The following DET1 variants were observed in gnomAD, a reference collection of about 807,000 sequenced individuals.
The protein encoded by DET1 is DET1 partner of COP1 E3 ubiquitin ligase.
DET1 carries 22 observed loss-of-function variants against 43.7 expected under a neutral mutation model. That is an observed-to-expected ratio of 0.50 (90% CI 0.36 to 0.72). The LOEUF is 0.72. Among genes scored for constraint, DET1 ranks in the 30% least tolerant of loss-of-function variants. The pLI, the probability that DET1 is intolerant of heterozygous loss-of-function variation, is 0.00. For missense variants in DET1, 713 were observed against 713.3 expected (o/e 1.00, Z 0.00); for synonymous variants, 315 against 266.2 (o/e 1.18, Z -1.79).
chr15:88,506,259 T>C (rs2278596), intron 7 of DET1, among the ~76,000 whole-genome samples: 105,722 of 152,110 alleles, frequency 0.7, 37,009 homozygotes, highest in South Asian at 0.84. Flanking sequence ...CTTATCATCA[T>C]GCCCAGGGGT....
intron 1 of DET1, among the ~76,000 whole-genome samples, chr15:88,539,075 C>T (rs1204507250): frequency 6.8e-6 from 1 of 146,564 alleles, no homozygotes; most frequent in Non-Finnish European, 1.5e-5. Flanking sequence ...GGGAGCTGAG[C>T]CTTGGTTTCT....
intron 3 of DET1, among the ~76,000 whole-genome samples, chr15:88,524,165 G>A (rs548996298): frequency 1.5e-4 from 23 of 151,716 alleles, no homozygotes; most frequent in Admixed American, 9.2e-4. Flanking sequence ...CTGTCCGGCC[G>A]CGACCCCGTC....
downstream of DET1, among the ~76,000 whole-genome samples, chr15:88,508,371 T>C (rs557998774): frequency 4.5e-4 from 69 of 152,310 alleles, no homozygotes; most frequent in African/African-American, 1.4e-3. Context: ...TGAAATTCAC[T>C]CTACATCTGG....
At chr15:88,514,157 T>C (rs1038084408) in intron 4 of DET1, among the ~76,000 whole-genome samples, 3 of 152,168 alleles carry the variant, frequency 2.0e-5, no homozygotes, top group African/African-American at 4.8e-5. Flanking sequence ...CTAAGTAGTG[T>C]TTAATTTTTC....
chr15:88,506,929 G>A (rs2056148118), intron 7 of DET1, among the ~76,000 whole-genome samples: 1 of 152,142 alleles, frequency 6.6e-6, no homozygotes, highest in Non-Finnish European at 1.5e-5. Flanking sequence ...TATAATTTTG[G>A]TTCCAAAGAA....
At chr15:88,520,261 C>T (rs1474012965) in intron 3 of DET1, among the ~76,000 whole-genome samples, 1 of 152,278 alleles carries the variant, frequency 6.6e-6, no homozygotes, top group South Asian at 2.1e-4. Flanking sequence ...TAATGCACCA[C>T]TTTTCAGCTC....
At chr15:88,506,518 T>C (rs1337577501) in intron 7 of DET1, among the ~76,000 whole-genome samples, 1 of 151,606 alleles carries the variant, frequency 6.6e-6, no homozygotes, top group Non-Finnish European at 1.5e-5. Context: ...CTGTGGAACA[T>C]CAAAATCACT....
In DET1 at chr15:88,505,144, A is replaced by G. The variant is rs1324776791; in HGVS notation, c.*2066-1157T>C. ...AATTAATCAGCTCCTGTTCAAAGTC[A>G]GCAGGAAGCATCTAACAAATCGATT... On this transcript the variant is annotated intron_variant and NMD_transcript_variant, in intron 7 of 8. Coordinates refer to the DET1 transcript ENST00000557842. 3 of 152,240 alleles carry G rather than the reference A, an allele frequency of 2.0e-5. No individual in the cohort carries two copies. In the South Asian group the frequency reaches 6.2e-4, roughly 31 times the overall value. The allele number at this position is 152,240 out of a possible 1,614,324, so 9.4% of individuals were successfully genotyped here. A position where few individuals can be genotyped will look rare whatever the true frequency, so the allele number is the denominator to read the frequency against.
Position 88,530,858 on chromosome 15 carries a change from A to T in DET1, c.848T>A (p.Met283Lys). The T allele has an allele frequency of 1.2e-6, 2 of 1,614,030 alleles. No homozygotes were observed. The highest frequency in any genetic ancestry group is 1.3e-5 in the African/African-American group (1 of 75,064). ...PEVQRDSQTG[M>K]ANPFRDPFIN... ...GAAAGGATCCCTAAAGGGATTGGCCATGCCTGTCTGACTGTCCCGCTGTAC... is the reference window on the plus strand; with the variant it reads ...GAAAGGATCCCTAAAGGGATTGGCCTTGCCTGTCTGACTGTCCCGCTGTAC... The change falls in exon 2 of 5, where the codon ATG becomes AAG. Residue 283 changes from methionine (M) to lysine (K), a missense_variant. By Grantham distance (95) the Met-to-Lys change is moderately conservative. Transcript: ENST00000268148.
intron 3 of DET1, among the ~76,000 whole-genome samples, chr15:88,526,498 A>T (rs2056666491): frequency 6.6e-6 from 1 of 152,194 alleles, no homozygotes; most frequent in African/African-American, 2.4e-5. Flanking sequence ...TGGGGTATAT[A>T]TTTAGGGTGA....
chr15:88,523,700 C>T (rs1260175454), intron 3 of DET1, among the ~76,000 whole-genome samples: 1 of 152,058 alleles, frequency 6.6e-6, no homozygotes, highest in African/African-American at 2.4e-5. Flanking sequence ...CTCGGCCTCC[C>T]GAGGTGCTGG....
intron 1 of DET1, among the ~76,000 whole-genome samples, chr15:88,544,473 C>G (rs1271487962): frequency 6.6e-6 from 1 of 152,190 alleles, no homozygotes; most frequent in Admixed American, 6.5e-5. Flanking sequence ...TACAATCTCC[C>G]CAACAGGTAC....
intron 1 of DET1, among the ~76,000 whole-genome samples, chr15:88,534,977 G>C (rs2056910713): frequency 6.6e-6 from 1 of 152,190 alleles, no homozygotes; most frequent in South Asian, 2.1e-4. Context: ...CACCAATGTT[G>C]AGATGCTACA....
chr15:88,541,405 C>T lies in DET1; in HGVS notation c.-11+5135G>A, dbSNP rs2057102481. The stretch of plus-strand genomic sequence containing the variant: ...CTCCATATGCTGAACGCTGGTTCCC[C>T]GGGTCCCCTTATTTCTTTCTCTATA... On this transcript the variant is annotated intron_variant, in intron 1 of 4. Transcript: ENST00000268148. Among the ~76,000 whole-genome samples the T allele has an allele frequency of 2.0e-5, 3 of 151,192 alleles. No individual in the cohort carries two copies. The South Asian group carries it at 6.3e-4, about 32-fold the overall frequency.
At chr15:88,509,316 T>TAC (rs1473846179), downstream of DET1, among the ~76,000 whole-genome samples, 2 of 152,104 alleles carry the variant, frequency 1.3e-5, no homozygotes, top group African/African-American at 4.8e-5. Flanking sequence ...AAGCCTGGCC[T>TAC]ACTGAAGGAG....
intron 1 of DET1, among the ~76,000 whole-genome samples, chr15:88,539,438 C>A (rs1456911085): frequency 7.0e-6 from 1 of 142,572 alleles, no homozygotes; most frequent in Non-Finnish European, 1.5e-5. Context: ...AGGGCCCCCC[C>A]TTGTCTGTCT....
At chr15:88,546,012 A>T (rs1334892287) in intron 1 of DET1, among the ~76,000 whole-genome samples, 1 of 151,602 alleles carries the variant, frequency 6.6e-6, no homozygotes, top group Non-Finnish European at 1.5e-5. Context: ...CTTTCCTGTA[A>T]CCATTTATCC....
chr15:88,512,806 C>T lies in DET1; in HGVS notation c.*145G>A, dbSNP rs1482983081. Reference sequence around the variant, plus strand: ...ATTCCATTAGGTTGAGCCACCCTCACTCCTCTCTCTGGCTCTCTCCCATCT... The same window carrying T: ...ATTCCATTAGGTTGAGCCACCCTCATTCCTCTCTCTGGCTCTCTCCCATCT... On this transcript the variant is annotated 3_prime_UTR_variant, in exon 5 of 5. Transcript: ENST00000268148. 7.8e-6 allele frequency: 11 copies of T among 1,418,344 alleles called. No individual in the cohort carries two copies. Among genetic ancestry groups the T allele is most frequent in the Non-Finnish European group, 2.8e-6 (3 of 1,085,934 alleles). 87.9% of individuals were successfully genotyped at this position (1,418,344 alleles called of 1,614,324 possible).
Position 88,530,656 on chromosome 15 carries a change from A to G in DET1, c.1050T>C (p.Asp350=), listed in dbSNP as rs200089903. 38 of 1,612,710 alleles carry G rather than the reference A, an allele frequency of 2.4e-5. No individual in the cohort carries two copies. The highest frequency in any genetic ancestry group is 3.1e-5 in the Non-Finnish European group (36 of 1,179,252). ...GATCTGTGACTCGCAGTGTTACTAC[A>G]TCCTCACTAGTGTACTTGATAAACA... ...NHLFIKYTSE[D]VVTLRVTDPS... The change falls in exon 2 of 5, where the codon GAT becomes GAC. Residue 350 remains aspartate, a synonymous_variant. Coordinates refer to ENST00000268148, the MANE Select transcript of DET1 (RefSeq NM_001144074.3).
Sources: allele counts gnomAD v4.1 joint callset (sites outside exome capture counted in the v4.1 genomes callset), GRCh38; gene constraint gnomAD v4.1.1; transcripts MANE v1.5; gene names NCBI Gene and HGNC (gene_info 2026-07-23, HGNC 2026-07-21).